Variants in KIAA1217 observed in about 807,000 individuals in gnomAD.
The protein encoded by KIAA1217 is KIAA1217, also known as sickle tail protein homolog.
Under a neutral mutation model 163.9 loss-of-function variants are expected in KIAA1217, and 88 were observed. The ratio of observed to expected loss-of-function variants is 0.54; its 90% CI spans 0.45 to 0.64. The LOEUF is 0.64. KIAA1217 is among the 30% of genes least tolerant of loss of function. KIAA1217 has a pLI of 0.00. For missense variants in KIAA1217, 2,372 were observed against 2,475.0 expected (o/e 0.96, Z 0.88); for synonymous variants, 903 against 923.1 (o/e 0.98, Z 0.39).
rs1396025405 is a variant in KIAA1217 at position 24,245,092 on chromosome 10, T to C, written c.354+25183T>C. On this transcript the variant is annotated intron_variant, in intron 2 of 20. Transcript: ENST00000376454. ...TCCAAAGTCAAGGTAGGTGATAGCA[T>C]TGGTGGCCCCTTGCAGCACCGGGAG... is the stretch of plus-strand genomic sequence containing the variant. Among the ~76,000 whole-genome samples the C allele has an allele frequency of 6.6e-5, 10 of 152,270 alleles. No homozygotes were observed. In the South Asian group the frequency reaches 1.9e-3, roughly 28 times the overall value.
intron 1 of KIAA1217, among the ~76,000 whole-genome samples, chr10:23,726,122 A>G (rs1838116568): frequency 6.6e-6 from 1 of 152,122 alleles, no homozygotes; most frequent in African/African-American, 2.4e-5. Context: ...TTTTTCTACC[A>G]TTTGAACTAA....
chr10:23,994,183 A>T (rs1192272205), intron 1 of KIAA1217, among the ~76,000 whole-genome samples: 1 of 152,116 alleles, frequency 6.6e-6, no homozygotes, highest in Admixed American at 6.5e-5. Flanking sequence ...AAACCCTCCC[A>T]TTGACAAGCC....
At chr10:24,360,977 A>C (rs1471105231) in intron 2 of KIAA1217, among the ~76,000 whole-genome samples, 1 of 152,174 alleles carries the variant, frequency 6.6e-6, no homozygotes, top group Non-Finnish European at 1.5e-5. Flanking sequence ...AGTTTTTAAA[A>C]AAATTTTATT....
intron 1 of KIAA1217, among the ~76,000 whole-genome samples, chr10:23,756,952 T>C (rs1833950687): frequency 6.6e-6 from 1 of 152,226 alleles, no homozygotes; most frequent in Non-Finnish European, 1.5e-5. Context: ...AAGTGCCTTA[T>C]ATAAGTGGAA....
chr10:23,931,190 A>C (rs1242054598), intron 1 of KIAA1217, among the ~76,000 whole-genome samples: 1 of 152,114 alleles, frequency 6.6e-6, no homozygotes, highest in Non-Finnish European at 1.5e-5. Flanking sequence ...AATTCATTAC[A>C]TGGATGTTCT....
At chr10:23,905,063 CTTTTTTTTTTTTTT>C (rs562938938) in intron 1 of KIAA1217, among the ~76,000 whole-genome samples, 2 of 99,942 alleles carry the variant, frequency 2.0e-5, no homozygotes, top group Admixed American at 2.2e-4. Context: ...TTCTCTTTTC[CTTTTTTTTTTTTTT>C]TTTTTTTTTA....
At position 24,473,760 on chromosome 10, in the gene KIAA1217, A is replaced by G. The variant is rs776689461; in HGVS notation, c.1379A>G (p.Asp460Gly). ...LYRQKSRKYP[D>G]SHLPTLGSKT... ...AGACAGAAATCAAGGAAATATCCGG[A>G]TAGCCATTTGCCTACACTGGGCTCC... Residue 460 changes from aspartate (D) to glycine (G), a missense_variant, in exon 6 of 21, where the codon GAT becomes GGT. Asp to Gly is a moderately conservative substitution (Grantham distance 94, BLOSUM62 -1). This residue lies in a region of KIAA1217 where 1,431 missense variants were observed against 1,470.3 expected (regional missense o/e 0.97). Coordinates refer to ENST00000376454, the MANE Select transcript of KIAA1217 (RefSeq NM_019590.5). 3 of 1,614,118 alleles carry G rather than the reference A, an allele frequency of 1.9e-6. No homozygotes were observed. The South Asian group carries it at 3.3e-5, about 18-fold the overall frequency.
rs745995330 is a variant in KIAA1217 at position 24,531,805 on chromosome 10, C to T, written c.3083-25C>T. On this transcript the variant is annotated intron_variant, in intron 14 of 20. Transcript: ENST00000376454. ...GATGTTTTCTTGAAAAAAGATTATTCTTGTAATGGTGCACTGTTTTCCAGA... is the reference window on the plus strand; with the variant it reads ...GATGTTTTCTTGAAAAAAGATTATTTTTGTAATGGTGCACTGTTTTCCAGA... The T allele has an allele frequency of 1.2e-5, 18 of 1,533,992 alleles. No individual in the cohort carries two copies. The South Asian group carries it at 1.6e-4, about 14-fold the overall frequency.
intron 1 of KIAA1217, among the ~76,000 whole-genome samples, chr10:23,851,474 T>C (rs376289855): frequency 5.3e-5 from 8 of 152,146 alleles, no homozygotes; most frequent in Non-Finnish European, 7.4e-5. Context: ...AATAAACATA[T>C]GTGTGCATGT....
intron 1 of KIAA1217, among the ~76,000 whole-genome samples, chr10:24,000,190 C>T (rs1426221096): frequency 2.0e-5 from 3 of 152,142 alleles, no homozygotes; most frequent in Non-Finnish European, 4.4e-5. Context: ...CTTTATATAA[C>T]TAGCGATATG....
chr10:24,187,517 A>G (rs568263520), intron 2 of KIAA1217, among the ~76,000 whole-genome samples: 1 of 152,328 alleles, frequency 6.6e-6, no homozygotes, highest in African/African-American at 2.4e-5. Context: ...GAACCAGTAC[A>G]CTTGAAGATT....
chr10:23,867,809 T>A (rs954961712), intron 1 of KIAA1217, among the ~76,000 whole-genome samples: 1 of 152,188 alleles, frequency 6.6e-6, no homozygotes, highest in African/African-American at 2.4e-5. Context: ...GGTTGCCTGT[T>A]CACTCTGATG....
chr10:24,189,589 G>T (rs1055515129), intron 2 of KIAA1217, among the ~76,000 whole-genome samples: 1 of 152,176 alleles, frequency 6.6e-6, no homozygotes, highest in African/African-American at 2.4e-5. Flanking sequence ...AGATTAACAA[G>T]AGAAAAGCAA....
chr10:24,381,119 T>C (rs1188995153), intron 3 of KIAA1217, 52 bp downstream of exon 3: 9 of 1,346,790 alleles, frequency 6.7e-6, no homozygotes, highest in Non-Finnish European at 9.1e-6. Flanking sequence ...AATGCGTTTG[T>C]TGTTATACTA....
intron 1 of KIAA1217, among the ~76,000 whole-genome samples, chr10:23,899,899 CTTCT>C (rs929759472): frequency 4.7e-4 from 71 of 151,456 alleles, no homozygotes; most frequent in African/African-American, 1.7e-3. Context: ...CTTTGTTTTA[CTTCT>C]TTCTTTCCCT....
intron 2 of KIAA1217, among the ~76,000 whole-genome samples, chr10:24,271,567 G>C (rs945662730): frequency 6.6e-6 from 1 of 152,008 alleles, no homozygotes; most frequent in African/African-American, 2.4e-5. Flanking sequence ...CGTGGGCAAC[G>C]TGGCAAAACC....
chr10:24,238,831 G>C lies in KIAA1217; in HGVS notation c.354+18922G>C, dbSNP rs535093491. Among the ~76,000 whole-genome samples, 3 of 152,276 alleles carry C rather than the reference G, an allele frequency of 2.0e-5. No homozygotes were observed. In the South Asian group the frequency reaches 6.2e-4, roughly 32 times the overall value. Reference sequence around the variant, plus strand: ...CCAATTAAGTGCATTGTTAGACAGGGAGGGGCAGATTAACGAACGCCTATA... The same window carrying C: ...CCAATTAAGTGCATTGTTAGACAGGCAGGGGCAGATTAACGAACGCCTATA... On this transcript the variant is annotated intron_variant, in intron 2 of 20. Transcript: ENST00000376454.
chr10:24,282,065 C>A (rs572186932), intron 2 of KIAA1217, among the ~76,000 whole-genome samples: 92 of 151,618 alleles, frequency 6.1e-4, no homozygotes, highest in South Asian at 2.9e-3. Context: ...TCAACAACAA[C>A]AAAAAAAGTA....
chr10:23,726,545 T>C (rs1838147751), intron 1 of KIAA1217, among the ~76,000 whole-genome samples: 1 of 151,892 alleles, frequency 6.6e-6, no homozygotes, highest in Non-Finnish European at 1.5e-5. Context: ...AAGCCAAAAT[T>C]GACAAATGGG....
Sources: allele counts gnomAD v4.1 joint callset (sites outside exome capture counted in the v4.1 genomes callset), GRCh38; gene constraint gnomAD v4.1.1; regional missense constraint gnomAD v4.1.1; transcripts MANE v1.5; gene names NCBI Gene and HGNC (gene_info 2026-07-23, HGNC 2026-07-21).